The following RIMBP2 variants were observed in gnomAD, a reference collection of about 807,000 sequenced individuals.
RIMBP2 encodes RIMS-binding protein 2.
A neutral mutation model predicts 118.6 loss-of-function variants in RIMBP2; 48 were observed. The observed-to-expected ratio is 0.40, with a 90% CI of 0.32 to 0.51. The LOEUF (loss-of-function observed/expected upper bound fraction) is 0.51. Among genes scored for constraint, RIMBP2 ranks in the 20% least tolerant of loss-of-function variants. The pLI, the probability that RIMBP2 is intolerant of heterozygous loss-of-function variation, is 0.41. For missense variants in RIMBP2, 1,551 were observed against 1,768.3 expected, an observed-to-expected ratio of 0.88 and a Z score of 2.20; for synonymous variants, 762 against 742.9, an observed-to-expected ratio of 1.03 and a Z score of -0.42.
intron 6 of RIMBP2, among the ~76,000 whole-genome samples, chr12:130,467,863 C>T (rs1368694300): frequency 1.3e-5 from 2 of 152,198 alleles, no homozygotes; most frequent in African/African-American, 2.4e-5. Flanking sequence ...GTCACAGGTG[C>T]GTCCTTAACA....
At position 130,443,294 on chromosome 12, in the gene RIMBP2, A is replaced by G. The variant is rs1265401844; in HGVS notation, c.692-634T>C. 3.3e-5 allele frequency among the ~76,000 whole-genome samples: 5 copies of G among 151,988 alleles called. No individual in the cohort carries two copies. The East Asian group carries it at 9.7e-4, about 29-fold the overall frequency. On this transcript the variant is annotated intron_variant, in intron 10 of 22. Coordinates refer to ENST00000690449, the MANE Select transcript of RIMBP2 (RefSeq NM_001393629.1). ...GTAGCTCTTGTGGTTAAGAGTGGAC[A>G]TAGTGGGGACCGCTGTATTTTGTGA... is the stretch of plus-strand genomic sequence containing the variant.
chr12:130,491,360 T>G (rs1005880945), intron 4 of RIMBP2, among the ~76,000 whole-genome samples: 3 of 152,208 alleles, frequency 2.0e-5, no homozygotes, highest in Non-Finnish European at 4.4e-5. Context: ...CTCCACTGTC[T>G]CTGCTCTCTG....
Position 130,451,266 on chromosome 12 carries a change from G to C in RIMBP2, c.433C>G (p.Pro145Ala), listed in dbSNP as rs776284629. ...GTGGGCTTGGCGGACAGAGGCTCCG[G>C]CCTGTCACCAGGCTGCGGAAGGGGC... is the stretch of plus-strand genomic sequence containing the variant. ...IRPLPQPGDR[P>A]EPLSAKPTFL... The change falls in exon 8 of 23, where the codon CCG (proline) becomes GCG (alanine). Residue 145 changes from proline (P) to alanine (A), a missense_variant. Physicochemically the swap from Pro to Ala is conservative, Grantham distance 27. Coordinates refer to ENST00000690449, the MANE Select transcript of RIMBP2 (RefSeq NM_001393629.1). 7.4e-6 allele frequency: 12 copies of C among 1,614,198 alleles called. No homozygotes were observed. The highest frequency in any genetic ancestry group is 1.0e-5 in the Non-Finnish European group (12 of 1,180,036).
At chr12:130,401,132 T>A (rs1026598105) in intron 21 of RIMBP2, among the ~76,000 whole-genome samples, 2 of 152,104 alleles carry the variant, frequency 1.3e-5, no homozygotes, top group African/African-American at 4.8e-5. Flanking sequence ...TTTTTTTAAA[T>A]TGAGACAGAG....
chr12:130,415,289 A>G (rs1411809736), intron 17 of RIMBP2, among the ~76,000 whole-genome samples: 1 of 152,236 alleles, frequency 6.6e-6, no homozygotes, highest in Non-Finnish European at 1.5e-5. Flanking sequence ...AAACAGAACT[A>G]AAACAAAAAC....
chr12:130,505,443 T>G (rs1366161457), intron 4 of RIMBP2, among the ~76,000 whole-genome samples: 1 of 149,628 alleles, frequency 6.7e-6, no homozygotes, highest in African/African-American at 2.5e-5. Flanking sequence ...CTCATACCCC[T>G]TAGTGGTCAC....
intron 6 of RIMBP2, 31 bp downstream of exon 6, chr12:130,470,662 C>T: frequency 8.2e-7 from 1 of 1,222,550 alleles, no homozygotes; most frequent in Non-Finnish European, 1.0e-6. Flanking sequence ...GTCCCCCACC[C>T]CCGGGCAGAA....
chr12:130,413,632 C>CAA (rs556135470), intron 18 of RIMBP2, among the ~76,000 whole-genome samples: 29 of 73,296 alleles, frequency 4.0e-4, no homozygotes, highest in African/African-American at 5.3e-4. Flanking sequence ...GACTCTGTCT[C>CAA]AAAAAAAAAA....
intron 3 of RIMBP2, among the ~76,000 whole-genome samples, chr12:130,510,369 C>T (rs1201859649): frequency 2.0e-5 from 3 of 152,060 alleles, no homozygotes; most frequent in South Asian, 2.1e-4. Context: ...GTGTTGACCT[C>T]GAGGTGATGC....
chr12:130,603,938 A>AAAT (rs3047848), intron 2 of RIMBP2, among the ~76,000 whole-genome samples: 103,482 of 151,752 alleles, frequency 0.68, 35,445 homozygotes, highest in South Asian at 0.81. Context: ...CCTACTTATA[A>AAAT]AATAACTGTA....
Position 130,671,945 on chromosome 12 carries a change from T to C in RIMBP2, c.-351-43489A>G, listed in dbSNP as rs1055329408. ...TGCCACTTAGAAGAAAATTATTTATTGTCACATGAATCACATGATGCTATG... is the reference window on the plus strand; with the variant it reads ...TGCCACTTAGAAGAAAATTATTTATCGTCACATGAATCACATGATGCTATG... On this transcript the variant is annotated intron_variant, in intron 1 of 22. Transcript: ENST00000690449. Among the ~76,000 whole-genome samples the C allele has an allele frequency of 2.8e-4, 42 of 152,228 alleles. 1 individual carries two copies. The highest frequency in any genetic ancestry group is 2.4e-5 in the African/African-American group (1 of 41,442).
At chr12:130,547,881 CAGG>C (rs2055336020) in intron 2 of RIMBP2, among the ~76,000 whole-genome samples, 1 of 152,204 alleles carries the variant, frequency 6.6e-6, no homozygotes. Flanking sequence ...AGCTTCTAAG[CAGG>C]AGGTTTCTAC....
At chr12:130,664,470 C>CACATGCACAT (rs1555320966) in intron 1 of RIMBP2, among the ~76,000 whole-genome samples, 8 of 150,008 alleles carry the variant, frequency 5.3e-5, no homozygotes, top group African/African-American at 1.7e-4. Flanking sequence ...CGCACACACA[C>CACATGCACAT]GCACGCACAC....
At position 130,509,953 on chromosome 12, in the gene RIMBP2, A is replaced by G. The variant is rs563981885; in HGVS notation, c.-126-3183T>C. 8.5e-5 allele frequency among the ~76,000 whole-genome samples: 13 copies of G among 152,344 alleles called. No homozygotes were observed. The East Asian group carries it at 2.3e-3, about 27-fold the overall frequency. ...GAATCGATTCAGATTCGTGTTTCAC[A>G]GAGAAGCCAACTTGGGTTTCAGGCT... On this transcript the variant is annotated intron_variant, in intron 3 of 22. Coordinates refer to ENST00000690449, the MANE Select transcript of RIMBP2 (RefSeq NM_001393629.1).
intron 4 of RIMBP2, among the ~76,000 whole-genome samples, chr12:130,501,147 C>A (rs1218651615): frequency 6.6e-6 from 1 of 152,174 alleles, no homozygotes; most frequent in African/African-American, 2.4e-5. Flanking sequence ...CACTCCACGT[C>A]CAGTCTATCA....
chr12:130,408,645 G>A (rs1328782833), intron 19 of RIMBP2, among the ~76,000 whole-genome samples: 2 of 152,176 alleles, frequency 1.3e-5, no homozygotes. Context: ...GTGCAGAGCC[G>A]CAGAACCTGG....
chr12:130,646,322 T>C (rs61936799), intron 1 of RIMBP2, among the ~76,000 whole-genome samples: 3 of 5,240 alleles, frequency 5.7e-4, no homozygotes, highest in Non-Finnish European at 1.3e-3. Flanking sequence ...CACTTCCCTC[T>C]CCACCTGCCT....
intron 1 of RIMBP2, among the ~76,000 whole-genome samples, chr12:130,663,389 A>C (rs941556505): frequency 6.8e-6 from 1 of 148,140 alleles, no homozygotes; most frequent in Admixed American, 6.6e-5. Context: ...AGAATAAAAT[A>C]GTGATTTCAA....
rs1474584702 is a variant in RIMBP2 at position 130,623,235 on chromosome 12, T to C, written c.-217+5087A>G. Reference sequence around the variant, plus strand: ...AGCTTTTTCTATATATTTCAACACTTATACAAATAGAAGCACTTTTATTTT... The same window carrying C: ...AGCTTTTTCTATATATTTCAACACTCATACAAATAGAAGCACTTTTATTTT... On this transcript the variant is annotated intron_variant, in intron 2 of 22. Coordinates refer to ENST00000690449, the MANE Select transcript of RIMBP2 (RefSeq NM_001393629.1). The surrounding 1 kb of genome is among the most constrained non-coding windows in gnomAD (Gnocchi z 4.1). 6.6e-6 allele frequency among the ~76,000 whole-genome samples: 1 copy of C among 152,176 alleles called. No homozygotes were observed. The highest frequency in any genetic ancestry group is 6.5e-5 in the Admixed American group (1 of 15,274).
Sources: gnomAD v4.1 joint callset for allele counts (sites outside exome capture counted in the v4.1 genomes callset) on GRCh38, gnomAD v4.1.1 for gene constraint, Gnocchi (gnomAD v3.1) non-coding constraint, MANE v1.5 for transcripts, NCBI Gene and HGNC (gene_info 2026-07-23, HGNC 2026-07-21) for gene names.